Variants in PCDHA10 observed in about 807,000 individuals in gnomAD.
PCDHA10 encodes protocadherin alpha 10, also known as protocadherin alpha-10.
Under a neutral mutation model 61.2 loss-of-function variants are expected in PCDHA10, and 45 were observed. The ratio of observed to expected loss-of-function variants is 0.74; its 90% CI spans 0.58 to 0.94. The LOEUF is 0.94. PCDHA10 is among the 40% of genes least tolerant of loss of function. The pLI is 0.00. For missense variants in PCDHA10, 1,278 were observed against 1,236.2 expected (o/e 1.03, Z -0.51); for synonymous variants, 602 against 548.8 (o/e 1.10, Z -1.35).
In PCDHA10 at chr5:140,958,926, C is replaced by T. The variant is rs2095452227; in HGVS notation, c.2389-20023C>T. Among the ~76,000 whole-genome samples the T allele has an allele frequency of 2.1e-5, 3 of 143,506 alleles. No individual in the cohort carries two copies. The Admixed American group carries it at 2.1e-4, about 10-fold the overall frequency. The allele number at this position is 143,506 out of a possible 152,430, so 94.1% of individuals were successfully genotyped here. A position where few individuals can be genotyped will look rare whatever the true frequency, so the allele number is the denominator to read the frequency against. Reference sequence around the variant, plus strand: ...AGAAAAGTCTGCCTGGGTGTGGTGGCTCATACTTGTAATAATATTATATTA... The same window carrying T: ...AGAAAAGTCTGCCTGGGTGTGGTGGTTCATACTTGTAATAATATTATATTA... On this transcript the variant is annotated intron_variant, in intron 1 of 3. Transcript: ENST00000307360.
chr5:140,992,017 C>CTGTGTG (rs10602499), intron 3 of PCDHA10, among the ~76,000 whole-genome samples: 2,290 of 145,594 alleles, frequency 0.016, 56 homozygotes, highest in African/African-American at 0.05. Flanking sequence ...AGAGGTGGCT[C>CTGTGTG]TGTGTGTGTG....
At chr5:140,969,519 G>T in intron 1 of PCDHA10, 2 of 1,406,074 alleles carry the variant, frequency 1.4e-6, no homozygotes, top group Admixed American at 2.8e-5. Context: ...CTAAAGAATT[G>T]TTTTATTTTT....
At chr5:140,942,139 A>C (rs1211983428) in intron 1 of PCDHA10, among the ~76,000 whole-genome samples, 1 of 152,248 alleles carries the variant, frequency 6.6e-6, no homozygotes, top group Non-Finnish European at 1.5e-5. Context: ...TTGTGGCTTT[A>C]CTTGACATAA....
intron 1 of PCDHA10, among the ~76,000 whole-genome samples, chr5:140,940,230 TA>T (rs2153645241): frequency 6.6e-6 from 1 of 152,330 alleles, no homozygotes; most frequent in Non-Finnish European, 1.5e-5. Flanking sequence ...TTCATTTTGG[TA>T]CATTAAAGTT....
intron 3 of PCDHA10, among the ~76,000 whole-genome samples, chr5:141,004,385 G>C (rs1388217607): frequency 6.6e-6 from 1 of 152,192 alleles, no homozygotes; most frequent in Non-Finnish European, 1.5e-5. Flanking sequence ...TGCGGAAGCT[G>C]GACATGTGGA....
At chr5:140,985,648 C>G (rs185772569) in intron 3 of PCDHA10, among the ~76,000 whole-genome samples, 17 of 152,092 alleles carry the variant, frequency 1.1e-4, no homozygotes, top group African/African-American at 4.1e-4. Flanking sequence ...CCAACACTTG[C>G]AATGGCTGAA....
intron 1 of PCDHA10, among the ~76,000 whole-genome samples, chr5:140,959,554 A>G (rs1375729843): frequency 6.6e-6 from 1 of 152,210 alleles, no homozygotes; most frequent in Non-Finnish European, 1.5e-5. Context: ...TATAAATAGA[A>G]TCAGTACTAG....
At chr5:140,906,829 C>T (rs2072974984) in intron 1 of PCDHA10, among the ~76,000 whole-genome samples, 1 of 152,244 alleles carries the variant, frequency 6.6e-6, no homozygotes, top group Non-Finnish European at 1.5e-5. Context: ...GAGTAGTAGA[C>T]TGATTTCATC....
chr5:140,955,889 GT>G (rs1305358742), intron 1 of PCDHA10, among the ~76,000 whole-genome samples: 2 of 151,880 alleles, frequency 1.3e-5, no homozygotes, highest in Non-Finnish European at 2.9e-5. Flanking sequence ...ATTCCTAGGT[GT>G]TTTATTCTCT....
intron 1 of PCDHA10, among the ~76,000 whole-genome samples, chr5:140,972,293 C>T (rs912767406): frequency 2.0e-5 from 3 of 151,768 alleles, no homozygotes; most frequent in Non-Finnish European, 4.4e-5. Flanking sequence ...ATGTGCGCCA[C>T]CGTGTCTGAC....
At chr5:140,866,584 T>C (rs2049444092) in intron 1 of PCDHA10, 1 of 152,156 alleles carries the variant, frequency 6.6e-6, no homozygotes, top group Non-Finnish European at 1.5e-5. Context: ...GGTTGGATAA[T>C]GTAATTCTAA....
intron 1 of PCDHA10, among the ~76,000 whole-genome samples, chr5:140,892,427 C>T (rs1429226685): frequency 6.6e-6 from 1 of 152,170 alleles, no homozygotes; most frequent in Admixed American, 6.5e-5. Flanking sequence ...GATAAAACCT[C>T]ATTATCTAAA....
In PCDHA10 at chr5:140,927,503, C is replaced by T. The variant is rs148532418; in HGVS notation, c.2389-51446C>T. On this transcript the variant is annotated intron_variant, in intron 1 of 3. Transcript: ENST00000307360. ...CGCGCCACCCACCTGCTGGTGCTTA[C>T]AGCTCGGGACGGCGGGCTACCTGCC... The T allele has an allele frequency of 1.2e-4, 190 of 1,614,128 alleles. No homozygotes were observed. In the African/African-American group the frequency reaches 2.3e-3, roughly 19 times the overall value.
At chr5:140,945,091 TAAAC>T (rs1467444609) in intron 1 of PCDHA10, among the ~76,000 whole-genome samples, 2 of 152,110 alleles carry the variant, frequency 1.3e-5, no homozygotes, top group African/African-American at 2.4e-5. Context: ...TTGGAACTAA[TAAAC>T]AAAATAAAGT....
At chr5:140,899,255 C>A (rs532751288) in intron 1 of PCDHA10, among the ~76,000 whole-genome samples, 1 of 152,258 alleles carries the variant, frequency 6.6e-6, no homozygotes, top group East Asian at 1.9e-4. Flanking sequence ...GAGAGGGCAT[C>A]CCTGTCTTGT....
intron 1 of PCDHA10, among the ~76,000 whole-genome samples, chr5:140,921,435 A>G (rs997660613): frequency 6.6e-6 from 1 of 152,120 alleles, no homozygotes. Context: ...ATTTTCTTCA[A>G]TGGTGTCTGA....
chr5:140,927,299 T>C, intron 1 of PCDHA10: 4 of 1,614,086 alleles, frequency 2.5e-6, no homozygotes, highest in Middle Eastern at 1.6e-4. Context: ...ATCCCCGAGT[T>C]CCTGACGCCC....
Position 140,939,111 on chromosome 5 carries a change from T to G in PCDHA10, c.2389-39838T>G, listed in dbSNP as rs141486595. Reference sequence around the variant, plus strand: ...CTTAAAAACAATAGAAATTTATTTTTCACAATTCTGGAAGCTGGAAAGTTG... The same window carrying G: ...CTTAAAAACAATAGAAATTTATTTTGCACAATTCTGGAAGCTGGAAAGTTG... On this transcript the variant is annotated intron_variant, in intron 1 of 3. Coordinates refer to ENST00000307360, the MANE Select transcript of PCDHA10 (RefSeq NM_018901.4). Among the ~76,000 whole-genome samples, 62 of 152,324 alleles carry G rather than the reference T, an allele frequency of 4.1e-4. No homozygotes were observed. The East Asian group carries it at 0.01, about 25-fold the overall frequency.
intron 1 of PCDHA10, among the ~76,000 whole-genome samples, chr5:140,874,252 G>A (rs532178726): frequency 6.6e-6 from 1 of 152,286 alleles, no homozygotes; most frequent in Non-Finnish European, 1.5e-5. Flanking sequence ...TTGGTTTAAA[G>A]ATTTTGACTT....
Sources: gnomAD v4.1 joint callset for allele counts (sites outside exome capture counted in the v4.1 genomes callset) on GRCh38, gnomAD v4.1.1 for gene constraint, MANE v1.5 for transcripts, NCBI Gene and HGNC (gene_info 2026-07-23, HGNC 2026-07-21) for gene names.